PARP8: variants seen among roughly 807,000 people sequenced by gnomAD.
The protein encoded by PARP8 is protein mono-ADP-ribosyltransferase PARP8.
Under a neutral mutation model 124.1 loss-of-function variants are expected in PARP8, and 51 were observed. The observed-to-expected ratio is 0.41, with a 90% CI of 0.33 to 0.52. The LOEUF is 0.52. PARP8 is among the 20% of genes least tolerant of loss of function. The pLI is 0.21. For missense variants in PARP8, 860 were observed against 1,018.9 expected (o/e 0.84, Z 2.12); for synonymous variants, 391 against 361.5 (o/e 1.08, Z -0.93).
intron 3 of PARP8, among the ~76,000 whole-genome samples, chr5:50,751,108 T>C (rs1401107306): frequency 7.4e-6 from 1 of 135,984 alleles, no homozygotes; most frequent in African/African-American, 2.7e-5. Context: ...GGACTTTAAG[T>C]CAAGGTAATA....
chr5:50,785,508 G>A (rs1741151298), intron 9 of PARP8, among the ~76,000 whole-genome samples: 2 of 152,138 alleles, frequency 1.3e-5, no homozygotes, highest in Admixed American at 1.3e-4. Context: ...TGAAGAGACT[G>A]TATCTTCTTA....
At chr5:50,787,547 T>A (rs778725436) in intron 9 of PARP8, among the ~76,000 whole-genome samples, 18 of 152,156 alleles carry the variant, frequency 1.2e-4, no homozygotes, top group Non-Finnish European at 2.1e-4. Flanking sequence ...TTTATTGCCA[T>A]CTAGCATTGT....
chr5:50,809,170 G>T (rs947359267), intron 14 of PARP8, among the ~76,000 whole-genome samples: 33 of 152,012 alleles, frequency 2.2e-4, no homozygotes, highest in Non-Finnish European at 2.9e-4. Flanking sequence ...ATTGCTGTGG[G>T]ATTCTCTCTC....
At chr5:50,783,910 C>T (rs1285856060) in intron 9 of PARP8, among the ~76,000 whole-genome samples, 1 of 152,060 alleles carries the variant, frequency 6.6e-6, no homozygotes, top group African/African-American at 2.4e-5. Flanking sequence ...TCTTACAAAT[C>T]CCTTTAGTAT....
At chr5:50,750,354 C>G (rs1427524628) in intron 3 of PARP8, among the ~76,000 whole-genome samples, 166 bp downstream of exon 3, 1 of 152,000 alleles carries the variant, frequency 6.6e-6, no homozygotes. Flanking sequence ...AAGTACATGT[C>G]TTACTCTGAG....
chr5:50,759,723 A>C lies in PARP8; in HGVS notation c.265A>C (p.Ile89Leu), dbSNP rs575556271. 6 of 1,577,488 alleles carry C rather than the reference A, an allele frequency of 3.8e-6. No individual in the cohort carries two copies. The highest frequency in any genetic ancestry group is 1.7e-4 in the Middle Eastern group (1 of 5,952). The change falls in exon 4 of 26, where the codon ATA becomes CTA. Residue 89 changes from isoleucine to leucine, a missense_variant. This residue lies in a region of PARP8 where 517 missense variants were observed against 544.2 expected (regional missense o/e 0.95). Coordinates refer to ENST00000281631, the MANE Select transcript of PARP8 (RefSeq NM_024615.4). ...TEPIPVIFHR[I>L]ATELRKTNDI... ...GCCAATACCAGTAATTTTTCATAGA[A>C]TAGCAACAGGTAATAGTAGTATTAT... is the stretch of plus-strand genomic sequence containing the variant.
intron 2 of PARP8, among the ~76,000 whole-genome samples, chr5:50,721,494 C>T (rs1489384014): frequency 6.6e-6 from 1 of 152,062 alleles, no homozygotes; most frequent in Non-Finnish European, 1.5e-5. Context: ...AGAGAATATT[C>T]AATTCAGTGA....
chr5:50,783,514 A>G (rs147049815), intron 9 of PARP8, among the ~76,000 whole-genome samples: 4 of 152,334 alleles, frequency 2.6e-5, no homozygotes, highest in African/African-American at 9.6e-5. Context: ...TAAGATAGCA[A>G]CAGAATTGTT....
intron 14 of PARP8, among the ~76,000 whole-genome samples, chr5:50,805,935 C>A (rs773967018): frequency 6.6e-6 from 1 of 151,988 alleles, no homozygotes; most frequent in Non-Finnish European, 1.5e-5. Context: ...AGGGGGATTT[C>A]TCTGGTCATC....
At chr5:50,825,098 C>T in intron 18 of PARP8, 123 bp downstream of exon 18, 1 of 780,728 alleles carries the variant, frequency 1.3e-6, no homozygotes, top group Non-Finnish European at 2.1e-6. Context: ...TATAGTTCTA[C>T]AAGCTTATGA....
chr5:50,822,255 T>C (rs188038154), intron 16 of PARP8, 80 bp from the exon 17 acceptor site: 66 of 968,052 alleles, frequency 6.8e-5, no homozygotes, highest in Non-Finnish European at 9.9e-5. Context: ...ATGGAAATAA[T>C]ATATTTCTCT....
Position 50,794,330 on chromosome 5 carries a change from C to A in PARP8, c.861C>A (p.Arg287=), listed in dbSNP as rs1280555890. ...CCCTGCATTTATTTTCTACTTTGCG[C>A]AGGTTGGTAACAGGCAACTTCGTCA... ...KSPLHLFSTL[R]RSPSYPPPGC... is the part of the protein sequence containing the mutation. The change falls in exon 11 of 26, where the codon CGC becomes CGA. Residue 287 remains arginine, a splice_region_variant and synonymous_variant. Transcript: ENST00000281631. 5.0e-6 allele frequency: 8 copies of A among 1,612,388 alleles called. No homozygotes were observed. In the East Asian group the frequency reaches 1.8e-4, roughly 36 times the overall value.
chr5:50,839,666 T>TTCTC (rs34544570), intron 25 of PARP8, among the ~76,000 whole-genome samples: 3,291 of 147,378 alleles, frequency 0.022, 72 homozygotes, highest in African/African-American at 0.052. Flanking sequence ...CTCTCTTTCT[T>TTCTC]TCTCTCTCTC....
intron 2 of PARP8, among the ~76,000 whole-genome samples, chr5:50,710,576 G>A (rs1328770824): frequency 6.6e-6 from 1 of 151,978 alleles, no homozygotes; most frequent in East Asian, 1.9e-4. Flanking sequence ...ACACCTGATG[G>A]TCTGATGGTA....
intron 5 of PARP8, 65 bp downstream of exon 5, chr5:50,760,427 T>C (rs1760432315): frequency 1.7e-6 from 2 of 1,200,822 alleles, no homozygotes. Context: ...TACTGGGTTT[T>C]TGTAGTTAAT....
intron 9 of PARP8, among the ~76,000 whole-genome samples, chr5:50,783,238 G>A (rs1024931080): frequency 2.6e-5 from 4 of 151,810 alleles, no homozygotes; most frequent in African/African-American, 9.7e-5. Flanking sequence ...AGAGAAGAAG[G>A]GAAATAATAC....
chr5:50,754,955 T>C (rs1430606524), intron 3 of PARP8, among the ~76,000 whole-genome samples: 2 of 152,208 alleles, frequency 1.3e-5, no homozygotes, highest in Admixed American at 1.3e-4. Flanking sequence ...CATTTTTTCA[T>C]GTGTCTGTTG....
intron 25 of PARP8, among the ~76,000 whole-genome samples, chr5:50,841,162 G>C (rs1330697562): frequency 6.6e-6 from 1 of 151,800 alleles, no homozygotes; most frequent in East Asian, 1.9e-4. Context: ...CTTTTCTAAA[G>C]CTTCTGTCTT....
chr5:50,763,358 A>G, intron 7 of PARP8, 116 bp downstream of exon 7: 1 of 727,820 alleles, frequency 1.4e-6, no homozygotes, highest in Non-Finnish European at 2.3e-6. Flanking sequence ...AAAGTGTTTT[A>G]GAAAGAGTCT....
Sources: gnomAD v4.1 joint callset for allele counts (sites outside exome capture counted in the v4.1 genomes callset) on GRCh38, gnomAD v4.1.1 for gene constraint, gnomAD v4.1.1 regional missense constraint, MANE v1.5 for transcripts, NCBI Gene and HGNC (gene_info 2026-07-23, HGNC 2026-07-21) for gene names.